The following CDH13 variants were observed in gnomAD, a reference collection of about 807,000 sequenced individuals.
The protein encoded by CDH13 is cadherin 13.
Under a neutral mutation model 63.8 loss-of-function variants are expected in CDH13, and 24 were observed. That is an observed-to-expected ratio of 0.38 (90% CI 0.27 to 0.53). The LOEUF is 0.53. Among genes scored for constraint, CDH13 ranks in the 20% least tolerant of loss-of-function variants. The pLI, the probability that CDH13 is intolerant of heterozygous loss-of-function variation, is 0.85. For missense variants in CDH13, 1,049 were observed against 903.1 expected, an observed-to-expected ratio of 1.16 and a Z score of -2.07; for synonymous variants, 503 against 355.3, an observed-to-expected ratio of 1.42 and a Z score of -4.67.
intron 2 of CDH13, among the ~76,000 whole-genome samples, chr16:83,005,651 A>T (rs973917566): frequency 6.6e-6 from 1 of 152,240 alleles, no homozygotes; most frequent in Non-Finnish European, 1.5e-5. Context: ...TTTCAGAAAC[A>T]GTGTCAAATT....
chr16:83,185,056 C>T (rs1236841013), intron 4 of CDH13, among the ~76,000 whole-genome samples: 1 of 151,832 alleles, frequency 6.6e-6, no homozygotes, highest in Admixed American at 6.6e-5. Flanking sequence ...TATGATCTTC[C>T]CACCAACCTG....
At chr16:83,341,848 C>A (rs1373790519) in intron 5 of CDH13, among the ~76,000 whole-genome samples, 1 of 152,150 alleles carries the variant, frequency 6.6e-6, no homozygotes, top group Non-Finnish European at 1.5e-5. Context: ...TCTGCTATTG[C>A]TATTCCTGCG....
At chr16:82,962,870 A>G (rs184506266) in intron 2 of CDH13, among the ~76,000 whole-genome samples, 87 of 152,352 alleles carry the variant, frequency 5.7e-4, no homozygotes, top group Non-Finnish European at 3.8e-4. Flanking sequence ...ACTAATGGTC[A>G]CTAATGACCT....
chr16:82,991,662 C>T (rs953369215), intron 2 of CDH13, among the ~76,000 whole-genome samples: 1 of 152,118 alleles, frequency 6.6e-6, no homozygotes, highest in Non-Finnish European at 1.5e-5. Context: ...GATCTGAAAG[C>T]ATGGTAATCT....
intron 1 of CDH13, among the ~76,000 whole-genome samples, chr16:82,631,872 G>A (rs1454933667): frequency 6.6e-6 from 1 of 152,140 alleles, no homozygotes; most frequent in East Asian, 1.9e-4. Context: ...GGCTTAGCAA[G>A]TTGAACCTCG....
chr16:82,809,475 C>T (rs1304815066), intron 1 of CDH13, among the ~76,000 whole-genome samples: 1 of 152,064 alleles, frequency 6.6e-6, no homozygotes, highest in Non-Finnish European at 1.5e-5. Flanking sequence ...TCGCTCAGGG[C>T]ATGTAAAGAT....
intron 2 of CDH13, among the ~76,000 whole-genome samples, chr16:82,878,659 G>C (rs1021737447): frequency 6.6e-6 from 1 of 150,836 alleles, no homozygotes; most frequent in Admixed American, 6.7e-5. Flanking sequence ...GGAGCCTGGG[G>C]CATGGTTGTT....
chr16:83,632,266 A>G (rs1910842087), intron 8 of CDH13, among the ~76,000 whole-genome samples: 1 of 24,098 alleles, frequency 4.1e-5, no homozygotes, highest in African/African-American at 1.2e-4. Flanking sequence ...GACACTGTAG[A>G]GACGTGTCCT....
At chr16:82,735,937 T>C (rs571361472) in intron 1 of CDH13, among the ~76,000 whole-genome samples, 1 of 152,324 alleles carries the variant, frequency 6.6e-6, no homozygotes, top group South Asian at 2.1e-4. Flanking sequence ...AACCAGACGC[T>C]ATACTCACTA....
At chr16:83,356,439 A>C (rs954090119) in intron 6 of CDH13, among the ~76,000 whole-genome samples, 6 of 152,156 alleles carry the variant, frequency 3.9e-5, no homozygotes, top group Non-Finnish European at 7.3e-5. Flanking sequence ...TTCATAAAGC[A>C]TGCTGAGCCA....
chr16:82,995,187 G>T (rs1567726945), intron 2 of CDH13, among the ~76,000 whole-genome samples: 1 of 152,284 alleles, frequency 6.6e-6, no homozygotes, highest in South Asian at 2.1e-4. Context: ...CATTCTAGGG[G>T]AAACATTTAT....
chr16:83,548,770 G>T (rs951608373), intron 7 of CDH13, among the ~76,000 whole-genome samples: 1 of 151,936 alleles, frequency 6.6e-6, no homozygotes, highest in Non-Finnish European at 1.5e-5. Flanking sequence ...CCTTACCCTT[G>T]ATTCTCACCT....
chr16:82,977,936 G>A lies in CDH13; in HGVS notation c.158-54074G>A, dbSNP rs527745215. ...TTTGTTGAATGTCTTTGACCAAAAT[G>A]CTGATAGTGATATGGACAATGAAGT... On this transcript the variant is annotated intron_variant, in intron 2 of 13. Transcript: ENST00000567109. Among the ~76,000 whole-genome samples the A allele has an allele frequency of 2.6e-5, 4 of 152,308 alleles. No homozygotes were observed. The East Asian group carries it at 7.7e-4, about 29-fold the overall frequency.
At chr16:82,873,678 C>T (rs775169327) in intron 2 of CDH13, among the ~76,000 whole-genome samples, 1 of 152,186 alleles carries the variant, frequency 6.6e-6, no homozygotes, top group Non-Finnish European at 1.5e-5. Context: ...GTGCCTGCTA[C>T]ATGCAATATT....
At chr16:83,223,391 C>T (rs748646819) in intron 5 of CDH13, among the ~76,000 whole-genome samples, 7 of 152,232 alleles carry the variant, frequency 4.6e-5, no homozygotes, top group Non-Finnish European at 7.3e-5. Flanking sequence ...GAGGGTGGAA[C>T]ACGCATGCTC....
At chr16:82,813,265 T>G (rs1319317251) in intron 1 of CDH13, among the ~76,000 whole-genome samples, 1 of 152,096 alleles carries the variant, frequency 6.6e-6, no homozygotes, top group Non-Finnish European at 1.5e-5. Flanking sequence ...GGTGTCATCC[T>G]TGGGGAAGGA....
At chr16:83,347,691 G>T (rs1012283446) in intron 6 of CDH13, among the ~76,000 whole-genome samples, 1 of 152,160 alleles carries the variant, frequency 6.6e-6, no homozygotes, top group African/African-American at 2.4e-5. Context: ...AAGTTACCTG[G>T]CTGGGGAAAA....
At chr16:83,531,438 G>A (rs2075081113) in intron 7 of CDH13, among the ~76,000 whole-genome samples, 1 of 152,170 alleles carries the variant, frequency 6.6e-6, no homozygotes, top group South Asian at 2.1e-4. Context: ...AGACTTTGCT[G>A]GTGTGATTAA....
chr16:82,696,678 G>T (rs11150487), intron 1 of CDH13, among the ~76,000 whole-genome samples: 55,341 of 152,054 alleles, frequency 0.36, 11,419 homozygotes, highest in East Asian at 0.47. Flanking sequence ...ACTCAGTTAG[G>T]TCAACTGTGG....
Sources: gnomAD v4.1 joint callset for allele counts (sites outside exome capture counted in the v4.1 genomes callset) on GRCh38, gnomAD v4.1.1 for gene constraint, MANE v1.5 for transcripts, NCBI Gene and HGNC (gene_info 2026-07-23, HGNC 2026-07-21) for gene names.